SPATA6: variants seen among roughly 807,000 people sequenced by gnomAD.
The protein encoded by SPATA6 is spermatogenesis associated 6.
SPATA6 carries 56 observed loss-of-function variants against 65.3 expected under a neutral mutation model. The ratio of observed to expected loss-of-function variants is 0.86; its 90% CI spans 0.69 to 1.07. The LOEUF (loss-of-function observed/expected upper bound fraction) is 1.07, where lower values mean the gene tolerates loss of function less well. Among genes scored for constraint, SPATA6 ranks in the 50% least tolerant of loss-of-function variants. The probability of loss-of-function intolerance (pLI) is 0.00; values close to 1 mark genes in which losing one functional copy is unlikely to be tolerated. For synonymous variants in SPATA6, 199 were observed against 213.2 expected, an observed-to-expected ratio of 0.93 and a Z score of 0.58; for missense variants, 590 against 594.8, an observed-to-expected ratio of 0.99 and a Z score of 0.08.
chr1:48,325,827 G>T, intron 11 of SPATA6: 1 of 426,590 alleles, frequency 2.3e-6, no homozygotes, highest in South Asian at 2.3e-5. Flanking sequence ...GGCTCCAACT[G>T]AATGTGACCA....
At chr1:48,410,424 T>G (rs1053195184) in intron 5 of SPATA6, among the ~76,000 whole-genome samples, 3 of 152,266 alleles carry the variant, frequency 2.0e-5, no homozygotes, top group African/African-American at 4.8e-5. Context: ...TCCTGCTTTC[T>G]GAGCCCTCCA....
the SPATA6 span, among the ~76,000 whole-genome samples, chr1:48,281,159 A>C: frequency 2.6e-5 from 4 of 152,170 alleles, no homozygotes; most frequent in Admixed American, 2.0e-4. Flanking sequence ...AATCTCAATA[A>C]ATTAAGTATT....
intron 4 of SPATA6, among the ~76,000 whole-genome samples, chr1:48,412,621 A>G (rs571183539): frequency 6.6e-6 from 1 of 152,212 alleles, no homozygotes; most frequent in African/African-American, 2.4e-5. Flanking sequence ...AGGAGGATAG[A>G]TGAGATTTTT....
intron 11 of SPATA6, among the ~76,000 whole-genome samples, chr1:48,309,758 T>C (rs1335188783): frequency 1.4e-4 from 22 of 152,178 alleles, no homozygotes; most frequent in Admixed American, 1.4e-3. Context: ...AACATTCCTT[T>C]TTGTGGGTGA....
the SPATA6 span, among the ~76,000 whole-genome samples, chr1:48,276,011 A>G: frequency 2.0e-5 from 3 of 151,944 alleles, no homozygotes; most frequent in Admixed American, 2.0e-4. Flanking sequence ...TCAATTTCAG[A>G]ACTTATTATT....
intron 10 of SPATA6, among the ~76,000 whole-genome samples, chr1:48,358,083 A>G (rs1009835596): frequency 6.6e-6 from 1 of 152,152 alleles, no homozygotes; most frequent in Admixed American, 6.6e-5. Context: ...TGCCACCGCT[A>G]TCTACTCTAA....
chr1:48,287,422 G>T, the SPATA6 span, among the ~76,000 whole-genome samples: 3 of 152,306 alleles, frequency 2.0e-5, no homozygotes, highest in South Asian at 4.1e-4. Flanking sequence ...TTTCATGTTT[G>T]TCCCCTCCAA....
chr1:48,271,854 C>T, the SPATA6 span, among the ~76,000 whole-genome samples: 5 of 152,094 alleles, frequency 3.3e-5, no homozygotes, highest in East Asian at 9.6e-4. Flanking sequence ...AGAGCCTACA[C>T]ACAATATGCT....
At chr1:48,355,444 A>C in intron 11 of SPATA6, 1 of 376,002 alleles carries the variant, frequency 2.7e-6, no homozygotes, top group East Asian at 4.1e-5. Flanking sequence ...TATCACTAAC[A>C]TTGTTTATAG....
intron 3 of SPATA6, among the ~76,000 whole-genome samples, chr1:48,438,758 T>C (rs955070442): frequency 5.3e-5 from 8 of 152,194 alleles, no homozygotes; most frequent in Non-Finnish European, 8.8e-5. Context: ...ACTCCCTGTC[T>C]CTGGTGCTTT....
intron 7 of SPATA6, among the ~76,000 whole-genome samples, chr1:48,397,738 T>C (rs1475853079): frequency 1.3e-5 from 2 of 151,652 alleles, no homozygotes; most frequent in African/African-American, 4.8e-5. Flanking sequence ...GAAAATCCAC[T>C]TTCCTATTTA....
chr1:48,321,150 G>GT (rs1645587601), intron 11 of SPATA6, among the ~76,000 whole-genome samples: 1 of 152,060 alleles, frequency 6.6e-6, no homozygotes, highest in Admixed American at 6.6e-5. Flanking sequence ...AATGGCAGAA[G>GT]TAAGTCTTTA....
At chr1:48,328,674 T>C (rs1350057152) in intron 11 of SPATA6, among the ~76,000 whole-genome samples, 2 of 152,186 alleles carry the variant, frequency 1.3e-5, no homozygotes, top group African/African-American at 4.8e-5. Flanking sequence ...TGAAATGTTT[T>C]GAAATTAGAT....
At chr1:48,327,222 G>A (rs1323393430) in intron 11 of SPATA6, among the ~76,000 whole-genome samples, 2 of 152,064 alleles carry the variant, frequency 1.3e-5, no homozygotes, top group African/African-American at 4.8e-5. Flanking sequence ...AGAAATAAAA[G>A]CGGCTAACAA....
chr1:48,341,612 C>A (rs1339025565), intron 11 of SPATA6, among the ~76,000 whole-genome samples: 1 of 152,128 alleles, frequency 6.6e-6, no homozygotes, highest in Non-Finnish European at 1.5e-5. Flanking sequence ...CAGTAAAGTG[C>A]TTCCTTTAAG....
chr1:48,373,737 C>T (rs557201695), intron 9 of SPATA6, among the ~76,000 whole-genome samples: 2 of 152,144 alleles, frequency 1.3e-5, no homozygotes, highest in South Asian at 2.1e-4. Flanking sequence ...TCTTACATGG[C>T]GGCAGCAAGA....
rs1388345994 is a variant in SPATA6 at position 48,382,455 on chromosome 1, C to T, written c.909+2854G>A. Among the ~76,000 whole-genome samples the T allele has an allele frequency of 1.3e-4, 18 of 134,074 alleles. No homozygotes were observed. In the East Asian group the frequency reaches 3.7e-3, roughly 27 times the overall value. The allele number at this position is 134,074 out of a possible 152,430, so 88.0% of individuals were successfully genotyped here. ...CTCCTGGATAGGGCGGCTGGCTGGG[C>T]GGGGGGCTGTCCCCCCCACCTCCCT... On this transcript the variant is annotated intron_variant, in intron 9 of 12. Coordinates refer to ENST00000371847, the MANE Select transcript of SPATA6 (RefSeq NM_019073.4).
chr1:48,274,762 G>C, the SPATA6 span, among the ~76,000 whole-genome samples: 8 of 152,256 alleles, frequency 5.3e-5, no homozygotes, highest in African/African-American at 1.9e-4. Context: ...ATAATTTAAA[G>C]TCAGGTAGCA....
At chr1:48,324,664 CA>C (rs915650443) in intron 11 of SPATA6, among the ~76,000 whole-genome samples, 2 of 151,856 alleles carry the variant, frequency 1.3e-5, no homozygotes, top group Non-Finnish European at 2.9e-5. Context: ...TAAAAACTCT[CA>C]AAAAAACTGA....
Sources: gnomAD v4.1 joint callset for allele counts (sites outside exome capture counted in the v4.1 genomes callset) on GRCh38, gnomAD v4.1.1 for gene constraint, MANE v1.5 for transcripts, NCBI Gene and HGNC (gene_info 2026-07-23, HGNC 2026-07-21) for gene names.